EPS15: variants seen among roughly 807,000 people sequenced by gnomAD.
The protein encoded by EPS15 is epidermal growth factor receptor pathway substrate 15, also known as epidermal growth factor receptor substrate 15.
A neutral mutation model predicts 113.8 loss-of-function variants in EPS15; 72 were observed. The observed-to-expected ratio is 0.63, with a 90% CI of 0.52 to 0.77. The LOEUF is 0.77. Among genes scored for constraint, EPS15 ranks in the 30% least tolerant of loss-of-function variants. The probability of loss-of-function intolerance (pLI) is 0.00; values close to 1 mark genes in which losing one functional copy is unlikely to be tolerated. For missense variants in EPS15, 1,048 were observed against 1,045.8 expected (o/e 1.00, Z -0.03); for synonymous variants, 344 against 363.4 (o/e 0.95, Z 0.61).
rs770249337 is a variant in EPS15 at position 51,417,227 on chromosome 1, C to T, written c.1113+4559G>A. Among the ~76,000 whole-genome samples, 51 of 152,052 alleles carry T rather than the reference C, an allele frequency of 3.4e-4. 1 individual carries two copies. The highest frequency in any genetic ancestry group is 1.3e-4 in the Admixed American group (2 of 15,248). On this transcript the variant is annotated intron_variant, in intron 13 of 24. Transcript: ENST00000371733. ...TTAAAATAAAAAACATGGACAAGTA[C>T]TCTGAATTACTGAATCTTATGATGA...
intron 1 of EPS15, among the ~76,000 whole-genome samples, chr1:51,499,303 G>A (rs895361814): frequency 6.6e-6 from 1 of 152,136 alleles, no homozygotes; most frequent in African/African-American, 2.4e-5. Context: ...TCTTCATGTT[G>A]TAGCATGTAT....
intron 8 of EPS15, among the ~76,000 whole-genome samples, chr1:51,451,505 A>AAAAAAAAAAAAAAAAAAGAAAG (rs763389428): frequency 1.4e-5 from 2 of 147,558 alleles, no homozygotes; most frequent in Middle Eastern, 3.3e-3. Flanking sequence ...AAAAAAAAAA[A>AAAAAAAAAAAAAAAAAAGAAAG]AAAGAAAGAA....
intron 8 of EPS15, among the ~76,000 whole-genome samples, chr1:51,449,484 A>ACT (rs1653353931): frequency 2.0e-5 from 3 of 151,986 alleles, no homozygotes; most frequent in African/African-American, 7.3e-5. Context: ...TCATTTATTA[A>ACT]ATGAATGACA....
chr1:51,482,111 G>A (rs906516010), intron 1 of EPS15, among the ~76,000 whole-genome samples: 3 of 152,098 alleles, frequency 2.0e-5, no homozygotes, highest in South Asian at 2.1e-4. Flanking sequence ...TTGTGGCTGC[G>A]GTGAGCTGTG....
At chr1:51,416,452 C>G (rs1016889931) in intron 13 of EPS15, among the ~76,000 whole-genome samples, 2 of 152,030 alleles carry the variant, frequency 1.3e-5, no homozygotes, top group Non-Finnish European at 2.9e-5. Flanking sequence ...AGAAAAATAT[C>G]AAAGCAAGCC....
intron 1 of EPS15, among the ~76,000 whole-genome samples, chr1:51,481,742 T>C (rs1449527640): frequency 6.6e-6 from 1 of 152,194 alleles, no homozygotes; most frequent in Non-Finnish European, 1.5e-5. Context: ...TAAATGAATA[T>C]ACAAACTGAC....
intron 21 of EPS15, among the ~76,000 whole-genome samples, chr1:51,377,227 G>A (rs1646822156): frequency 6.6e-6 from 1 of 152,144 alleles, no homozygotes; most frequent in African/African-American, 2.4e-5. Context: ...CAGCTCCATT[G>A]CACTCCAGCC....
intron 21 of EPS15, among the ~76,000 whole-genome samples, chr1:51,378,763 C>T (rs1646863436): frequency 6.6e-6 from 1 of 152,070 alleles, no homozygotes; most frequent in Admixed American, 6.6e-5. Context: ...TCCTGAAGAC[C>T]TCTCTGGAAG....
rs1570370871 is a variant in EPS15 at position 51,468,708 on chromosome 1, T to C, written c.214-140A>G. ...ATGTAGCAACAAGTAGCATATTTGC[T>C]TCAAAAATATCTTGCAGAAAAATCC... On this transcript the variant is annotated intron_variant, in intron 4 of 24. Transcript: ENST00000371733. 6.7e-5 allele frequency: 41 copies of C among 614,374 alleles called. 2 individuals carry two copies. In the South Asian group the frequency reaches 8.8e-4, roughly 13 times the overall value. 38.1% of individuals were successfully genotyped at this position (614,374 alleles called of 1,614,324 possible). A position where few individuals can be genotyped will look rare whatever the true frequency, so the allele number is the denominator to read the frequency against.
intron 9 of EPS15, 104 bp from the exon 10 acceptor site, chr1:51,447,209 T>C: frequency 1.0e-6 from 1 of 980,828 alleles, no homozygotes; most frequent in East Asian, 2.5e-5. Context: ...TGAACAATTC[T>C]ACCCTACTAA....
Position 51,409,552 on chromosome 1 carries a change from C to A in EPS15, c.1258G>T (p.Ala420Ser), listed in dbSNP as rs772614784. 3.1e-6 allele frequency: 5 copies of A among 1,612,782 alleles called. No homozygotes were observed. In the African/African-American group the frequency reaches 6.7e-5, roughly 22 times the overall value. Residue 420 changes from alanine (A) to serine (S), a missense_variant, in exon 14 of 25, where the codon GCT becomes TCT. Transcript: ENST00000371733. The part of the protein sequence containing the change: ...EQLKEVRKKC[A>S]EEAQLISSLK... Reference sequence around the variant, plus strand: ...GACATTACCAGTTGGGCCTCCTCAGCACATTTCTTTCTGACTTCCTTGAGT... The same window carrying A: ...GACATTACCAGTTGGGCCTCCTCAGAACATTTCTTTCTGACTTCCTTGAGT...
At position 51,465,355 on chromosome 1, in the gene EPS15, G is replaced by A. The variant is rs779204663; in HGVS notation, c.310-29C>T. 13 of 1,495,686 alleles carry A rather than the reference G, an allele frequency of 8.7e-6. No homozygotes were observed. In the Admixed American group the frequency reaches 1.2e-4, roughly 13 times the overall value. 92.7% of individuals were successfully genotyped at this position (1,495,686 alleles called of 1,614,324 possible). ...TAGAAGAAAGTAAAGCACAACAAGA[G>A]TTGAAATTCTCACATCAAGAAGCAA... On this transcript the variant is annotated intron_variant, in intron 5 of 24. Transcript: ENST00000371733.
chr1:51,365,697 C>T (rs1646492690), intron 22 of EPS15, among the ~76,000 whole-genome samples: 1 of 152,118 alleles, frequency 6.6e-6, no homozygotes, highest in African/African-American at 2.4e-5. Flanking sequence ...AGACAGAAGA[C>T]TAAATATGAA....
At chr1:51,410,858 T>C (rs1016658924) in intron 13 of EPS15, among the ~76,000 whole-genome samples, 3 of 152,214 alleles carry the variant, frequency 2.0e-5, no homozygotes, top group Non-Finnish European at 2.9e-5. Context: ...AAATGCTACT[T>C]AAAATGTGCT....
At chr1:51,393,363 C>T (rs150966794) in intron 21 of EPS15, among the ~76,000 whole-genome samples, 164 of 152,310 alleles carry the variant, frequency 1.1e-3, no homozygotes, top group African/African-American at 3.8e-3. Flanking sequence ...GCACCCACCA[C>T]CATACCTGGC....
intron 5 of EPS15, among the ~76,000 whole-genome samples, 173 bp downstream of exon 5, chr1:51,468,300 A>C (rs1654996271): frequency 6.6e-6 from 1 of 152,148 alleles, no homozygotes; most frequent in South Asian, 2.1e-4. Context: ...CTCTGGAAGG[A>C]TACACAAGAA....
At chr1:51,395,713 A>G (rs1267185862) in intron 20 of EPS15, among the ~76,000 whole-genome samples, 1 of 152,218 alleles carries the variant, frequency 6.6e-6, no homozygotes, top group Non-Finnish European at 1.5e-5. Flanking sequence ...ATAGTCAAAC[A>G]AATTGTATAT....
rs1646414275 is a variant in EPS15, at chr1:51,362,664, A to C, written c.2359+1202T>G. On this transcript the variant is annotated intron_variant, in intron 23 of 24. Transcript: ENST00000371733. ...ACCTGATTTTTCAACAGATTATCGG[A>C]TATTTACAATTGTACATGCAATTCT... 2.0e-5 allele frequency among the ~76,000 whole-genome samples: 3 copies of C among 152,186 alleles called. No individual in the cohort carries two copies. The South Asian group carries it at 6.2e-4, about 31-fold the overall frequency.
intron 4 of EPS15, among the ~76,000 whole-genome samples, chr1:51,470,368 G>C (rs1344835209): frequency 6.6e-6 from 1 of 152,144 alleles, no homozygotes; most frequent in Non-Finnish European, 1.5e-5. Context: ...ATCTGGGCCA[G>C]GCACGGTGGC....
Sources: allele counts gnomAD v4.1 joint callset (sites outside exome capture counted in the v4.1 genomes callset), GRCh38; gene constraint gnomAD v4.1.1; transcripts MANE v1.5; gene names NCBI Gene and HGNC (gene_info 2026-07-23, HGNC 2026-07-21).